Variants in POF1B observed in about 807,000 individuals in gnomAD.
POF1B encodes POF1B actin binding protein.
In POF1B, 53 loss-of-function variants were observed where a neutral mutation model predicts 55.3. The observed-to-expected ratio is 0.96, with a 90% confidence interval of 0.77 to 1.20. The LOEUF (loss-of-function observed/expected upper bound fraction) is 1.20, where lower values mean the gene tolerates loss of function less well. Among genes scored for constraint, POF1B ranks in the 50% most tolerant of loss-of-function variants. The pLI is 0.00. For synonymous variants in POF1B, 188 were observed against 148.3 expected, an observed-to-expected ratio of 1.27 and a Z score of -1.95; for missense variants, 478 against 420.5, an observed-to-expected ratio of 1.14 and a Z score of -1.20.
At chrX:85,365,069 G>A (rs1933694255) in intron 3 of POF1B, among the ~76,000 whole-genome samples, 1 of 111,315 alleles carries the variant, frequency 9.0e-6, no homozygotes, top group Admixed American at 9.6e-5. Flanking sequence ...ATTGCATTGT[G>A]AAATTCTTCT....
At chrX:85,283,153 C>T (rs1203648785) in intron 15 of POF1B, among the ~76,000 whole-genome samples, 5 of 110,910 alleles carry the variant, frequency 4.5e-5, no homozygotes, top group African/African-American at 9.8e-5. Context: ...AATACCCTAG[C>T]GAAAATCTAA....
intron 2 of POF1B, among the ~76,000 whole-genome samples, chrX:85,373,048 C>G (rs1037278028): frequency 2.7e-5 from 3 of 110,375 alleles, no homozygotes; most frequent in African/African-American, 9.9e-5. Context: ...ACCTTGAAAA[C>G]TAGAGGGAAA....
At chrX:85,338,491 G>A (rs1030318101) in intron 6 of POF1B, among the ~76,000 whole-genome samples, 1 of 111,863 alleles carries the variant, frequency 8.9e-6, no homozygotes, top group Admixed American at 9.5e-5. Context: ...ATTTTATAAT[G>A]AGTATAAGTA....
At chrX:85,354,141 G>A (rs1294404502) in intron 4 of POF1B, among the ~76,000 whole-genome samples, 1 of 111,122 alleles carries the variant, frequency 9.0e-6, no homozygotes, top group Admixed American at 9.6e-5. Context: ...GGAGGGTAAT[G>A]CAGAATATCA....
intron 7 of POF1B, among the ~76,000 whole-genome samples, chrX:85,320,837 T>A (rs1255243143): frequency 4.3e-4 from 48 of 110,487 alleles, no homozygotes; most frequent in Middle Eastern, 4.6e-3. Context: ...AACTAGAAAA[T>A]CTAGAAGAAA....
chrX:85,350,622 T>C (rs1051214698), intron 5 of POF1B, among the ~76,000 whole-genome samples: 2 of 111,591 alleles, frequency 1.8e-5, no homozygotes, highest in Non-Finnish European at 3.8e-5. Context: ...ACTTCCACAA[T>C]GGTTGAACTA....
intron 15 of POF1B, among the ~76,000 whole-genome samples, chrX:85,285,420 G>A (rs921426954): frequency 1.8e-5 from 2 of 111,035 alleles, no homozygotes; most frequent in African/African-American, 3.3e-5. Flanking sequence ...ATCAATGATA[G>A]ACTGGATTAA....
chrX:85,329,095 C>G (rs140318840), intron 7 of POF1B, among the ~76,000 whole-genome samples: 210 of 111,552 alleles, frequency 1.9e-3, no homozygotes, highest in Non-Finnish European at 2.9e-3. Context: ...TGTCTGAATC[C>G]ATCTCAGGCA....
intron 7 of POF1B, among the ~76,000 whole-genome samples, chrX:85,324,076 G>A (rs2147920040): frequency 8.9e-6 from 1 of 111,927 alleles, no homozygotes; most frequent in African/African-American, 3.2e-5. Context: ...TGTGGTTCAA[G>A]ATTGTAGTTG....
At chrX:85,373,866 T>C (rs1603084995) in intron 2 of POF1B, among the ~76,000 whole-genome samples, 1 of 111,186 alleles carries the variant, frequency 9.0e-6, no homozygotes, top group Non-Finnish European at 1.9e-5. Flanking sequence ...GCAGTTCAGA[T>C]GTAAGAGCAA....
At chrX:85,329,187 A>G (rs964776837) in intron 7 of POF1B, among the ~76,000 whole-genome samples, 2 of 112,042 alleles carry the variant, frequency 1.8e-5, no homozygotes, top group Non-Finnish European at 3.8e-5. Flanking sequence ...CAAATTAGGT[A>G]ATATAGATAA....
chrX:85,337,705 T>C (rs962922026), intron 6 of POF1B, among the ~76,000 whole-genome samples: 3 of 111,882 alleles, frequency 2.7e-5, no homozygotes, highest in Non-Finnish European at 5.7e-5. Context: ...TAATTTAACT[T>C]TCTGTGTGAA....
Position 85,307,259 on chromosome X carries a change from C to A in POF1B, c.1068G>T (p.Lys356Asn), listed in dbSNP as rs746500861. ...QNDMTSLEND[K>N]MRLEKDLSFK... ...ATGATAAATCTTTCTCAAGTCTCAT[C>A]TTGTCATTTTCCAGTGACTAGAAGC... Residue 356 changes from lysine (K) to asparagine (N), a missense_variant, in exon 11 of 17, where the codon AAG becomes AAT. By Grantham distance (94) the Lys-to-Asn change is moderately conservative. Transcript: ENST00000262753. 8.4e-7 allele frequency: 1 copy of A among 1,193,014 alleles called. No individual in the cohort carries two copies. The highest frequency in any genetic ancestry group is 1.1e-6 in the Non-Finnish European group (1 of 883,530).
At chrX:85,293,223 G>A (rs762236646) in intron 15 of POF1B, among the ~76,000 whole-genome samples, 23 of 112,076 alleles carry the variant, frequency 2.1e-4, no homozygotes, top group Admixed American at 7.6e-4. Flanking sequence ...GCATTTATGC[G>A]TATGTTCACT....
At chrX:85,320,913 A>G (rs1432506581) in intron 7 of POF1B, among the ~76,000 whole-genome samples, 1 of 110,545 alleles carries the variant, frequency 9.0e-6, no homozygotes, top group Non-Finnish European at 1.9e-5. Flanking sequence ...ATCTCTGAAT[A>G]GACCAATAAC....
In POF1B at chrX:85,362,662, T is replaced by G. The variant is rs1933644805; in HGVS notation, c.358-3032A>C. ...AGTTTGCAAGTATTTGGTGGAGGAT[T>G]TTTGCATCAATGCTCATCAAGGATA... On this transcript the variant is annotated intron_variant, in intron 3 of 16. Transcript: ENST00000262753. 3.6e-5 allele frequency among the ~76,000 whole-genome samples: 4 copies of G among 111,660 alleles called. No homozygotes were observed. The Admixed American group carries it at 3.8e-4, about 11-fold the overall frequency.
rs184513647 is a variant in POF1B, at chrX:85,305,645, G to A, written c.1437+146C>T. The A allele has an allele frequency of 2.6e-4, 133 of 513,869 alleles. No homozygotes were observed. In the African/African-American group the frequency reaches 3.1e-3, roughly 12 times the overall value. The allele number at this position is 513,869 out of a possible 1,213,427, so 42.3% of individuals were successfully genotyped here. ...ACAGTTATATTTTAGATACAGTAATGTATTTAAAACAAATGAATACATGAC... is the reference window on the plus strand; with the variant it reads ...ACAGTTATATTTTAGATACAGTAATATATTTAAAACAAATGAATACATGAC... On this transcript the variant is annotated intron_variant, in intron 13 of 16. Transcript: ENST00000262753.
At chrX:85,282,824 T>C (rs1255492590) in intron 15 of POF1B, among the ~76,000 whole-genome samples, 1 of 110,862 alleles carries the variant, frequency 9.0e-6, no homozygotes, top group Admixed American at 9.6e-5. Context: ...CAAAAGCCTT[T>C]GGGTGAAAAC....
At chrX:85,283,992 C>T (rs746125181) in intron 15 of POF1B, among the ~76,000 whole-genome samples, 4 of 111,346 alleles carry the variant, frequency 3.6e-5, no homozygotes, top group Non-Finnish European at 7.6e-5. Flanking sequence ...GCAAAAATCA[C>T]AAGCATTCCT....
Sources: allele counts gnomAD v4.1 joint callset (sites outside exome capture counted in the v4.1 genomes callset), GRCh38; gene constraint gnomAD v4.1.1; transcripts MANE v1.5; gene names NCBI Gene and HGNC (gene_info 2026-07-23, HGNC 2026-07-21).